BTBD16: variants seen among roughly 807,000 people sequenced by gnomAD.
The protein encoded by BTBD16 is BTB/POZ domain-containing protein 16.
BTBD16 carries 66 observed loss-of-function variants against 67.4 expected under a neutral mutation model. The ratio of observed to expected loss-of-function variants is 0.98; its 90% confidence interval spans 0.80 to 1.20. The LOEUF is 1.20. BTBD16 is among the 50% of genes most tolerant of loss of function. The pLI is 0.00. For missense variants in BTBD16, 634 were observed against 616.0 expected, an observed-to-expected ratio of 1.03 and a Z score of -0.31; for synonymous variants, 242 against 236.4, an observed-to-expected ratio of 1.02 and a Z score of -0.22.
intron 10 of BTBD16, among the ~76,000 whole-genome samples, chr10:122,318,237 G>A (rs935245314): frequency 1.1e-4 from 16 of 152,088 alleles, no homozygotes; most frequent in Admixed American, 6.5e-4. Context: ...AATAAATCAT[G>A]GAGTCTGTAC....
At chr10:122,299,670 C>T (rs1452378703) in intron 9 of BTBD16, among the ~76,000 whole-genome samples, 1 of 152,148 alleles carries the variant, frequency 6.6e-6, no homozygotes, top group African/African-American at 2.4e-5. Flanking sequence ...AAGCTAGACC[C>T]TTGATAGTCC....
chr10:122,312,284 G>A (rs1209105198), intron 10 of BTBD16, among the ~76,000 whole-genome samples: 1 of 146,830 alleles, frequency 6.8e-6, no homozygotes, highest in African/African-American at 2.5e-5. Flanking sequence ...GGTATCTTCA[G>A]TCTTTCACTT....
chr10:122,310,729 T>C (rs1472274180), intron 10 of BTBD16, among the ~76,000 whole-genome samples: 1 of 152,194 alleles, frequency 6.6e-6, no homozygotes, highest in South Asian at 2.1e-4. Flanking sequence ...ATAACTTCAA[T>C]GACAGAGCAA....
rs116461242 is a variant in BTBD16 at position 122,287,946 on chromosome 10, A to G, written c.385+1698A>G. Among the ~76,000 whole-genome samples the G allele has an allele frequency of 4.0e-3, 612 of 152,284 alleles. 5 individuals are homozygous for G. The highest frequency in any genetic ancestry group is 0.013 in the African/African-American group (556 of 41,556). The stretch of plus-strand genomic sequence containing the variant: ...GAACAAATTATTGATATCTTATCCA[A>G]TTTTGGGGTTTTACTCAACCTGGAG... On this transcript the variant is annotated intron_variant, in intron 5 of 15. Transcript: ENST00000260723.
intron 10 of BTBD16, among the ~76,000 whole-genome samples, chr10:122,327,237 T>C (rs1308466859): frequency 6.6e-6 from 1 of 152,210 alleles, no homozygotes; most frequent in Non-Finnish European, 1.5e-5. Flanking sequence ...CACCACTTTC[T>C]ATCTTTGAGG....
chr10:122,299,410 A>T (rs2096389854), intron 9 of BTBD16, among the ~76,000 whole-genome samples: 2 of 151,874 alleles, frequency 1.3e-5, no homozygotes, highest in South Asian at 4.1e-4. Context: ...AGACTTAATT[A>T]CCTAAGTAAT....
intron 7 of BTBD16, 108 bp from the exon 8 acceptor site, chr10:122,297,660 G>A (rs977325381): frequency 1.7e-5 from 21 of 1,252,234 alleles, no homozygotes; most frequent in Admixed American, 5.8e-5. Flanking sequence ...GCTCCCTTCC[G>A]TTCAAAAGTC....
At chr10:122,289,680 G>A (rs1258571237) in intron 5 of BTBD16, among the ~76,000 whole-genome samples, 1 of 152,194 alleles carries the variant, frequency 6.6e-6, no homozygotes. Context: ...AGAGGTTGCA[G>A]TGAGCCTAGA....
intron 7 of BTBD16, among the ~76,000 whole-genome samples, chr10:122,292,389 C>T (rs1419096343): frequency 6.6e-6 from 1 of 152,210 alleles, no homozygotes; most frequent in African/African-American, 2.4e-5. Context: ...GCTCATTTTA[C>T]AGATGAGAAG....
In BTBD16 at chr10:122,336,599, C is replaced by G; in HGVS notation, c.1369C>G (p.Leu457Val). The change falls in exon 15 of 16, where the codon CTG becomes GTG. Residue 457 changes from leucine (L) to valine (V), a missense_variant. Physicochemically the swap from Leu to Val is conservative, Grantham distance 32. Coordinates refer to ENST00000260723, the MANE Select transcript of BTBD16 (RefSeq NM_144587.5). The stretch of plus-strand genomic sequence containing the variant: ...GAAGTATGAGATCAGAGCAGAGGCC[C>G]TGGTTGACGGCAAGTGGCAGGAGTT... The part of the protein sequence containing the change: ...LVKYEIRAEA[L>V]VDGKWQEFRT... 1 of 1,612,980 alleles carries G rather than the reference C, an allele frequency of 6.2e-7. No homozygotes were observed. The highest frequency in any genetic ancestry group is 8.5e-7 in the Non-Finnish European group (1 of 1,179,760).
intron 9 of BTBD16, among the ~76,000 whole-genome samples, chr10:122,300,850 A>G (rs903231640): frequency 1.3e-5 from 2 of 152,204 alleles, no homozygotes; most frequent in African/African-American, 4.8e-5. Flanking sequence ...TTAGAAAATG[A>G]GGGTTTACTC....
chr10:122,316,032 C>T (rs150350222), intron 10 of BTBD16, among the ~76,000 whole-genome samples: 15 of 152,208 alleles, frequency 9.9e-5, no homozygotes, highest in African/African-American at 3.6e-4. Flanking sequence ...CTTGGGAAGC[C>T]GAGGCAGGCA....
intron 9 of BTBD16, 35 bp from the exon 10 acceptor site, chr10:122,307,154 C>A: frequency 1.3e-6 from 2 of 1,567,756 alleles, no homozygotes; most frequent in South Asian, 2.4e-5. Context: ...TGTGCTATTT[C>A]TGAAATTTCT....
At chr10:122,332,843 T>C (rs2096457380) in intron 13 of BTBD16, 1 of 985,320 alleles carries the variant, frequency 1.0e-6, no homozygotes, top group Admixed American at 6.1e-5. Context: ...TTGGTCTTTC[T>C]ATTTCCCACA....
chr10:122,284,624 C>G (rs1294798290), intron 4 of BTBD16, among the ~76,000 whole-genome samples: 4 of 150,098 alleles, frequency 2.7e-5, no homozygotes, highest in African/African-American at 9.8e-5. Flanking sequence ...TCCTTTTTTG[C>G]TAGAAAAAGG....
intron 10 of BTBD16, among the ~76,000 whole-genome samples, chr10:122,312,463 C>G (rs554240536): frequency 1.6e-4 from 25 of 152,062 alleles, no homozygotes; most frequent in Middle Eastern, 3.4e-3. Context: ...TAGGCATACG[C>G]CACCACACCC....
intron 3 of BTBD16, among the ~76,000 whole-genome samples, chr10:122,283,110 C>A (rs2096356385): frequency 6.6e-6 from 1 of 152,178 alleles, no homozygotes; most frequent in Admixed American, 6.5e-5. Context: ...AATGGGGAAA[C>A]ACTGGAGGAT....
At chr10:122,305,944 A>G (rs7077328) in intron 9 of BTBD16, among the ~76,000 whole-genome samples, 3,681 of 152,214 alleles carry the variant, frequency 0.024, 141 homozygotes, top group African/African-American at 0.081. Context: ...GCTGTATAGT[A>G]TTTTATGGTG....
chr10:122,305,554 T>C (rs1049613021), intron 9 of BTBD16, among the ~76,000 whole-genome samples: 4 of 152,186 alleles, frequency 2.6e-5, no homozygotes, highest in African/African-American at 4.8e-5. Context: ...AGATGGTAAG[T>C]TTCCTGAGGC....
Sources: allele counts gnomAD v4.1 joint callset (sites outside exome capture counted in the v4.1 genomes callset), GRCh38; gene constraint gnomAD v4.1.1; transcripts MANE v1.5; gene names NCBI Gene and HGNC (gene_info 2026-07-23, HGNC 2026-07-21).